Variants in FRAS1 observed in about 807,000 individuals in gnomAD.
FRAS1 encodes the protein extracellular matrix organizing protein FRAS1.
In FRAS1, 290 loss-of-function variants were observed where a neutral mutation model predicts 435.2. That is an observed-to-expected ratio of 0.67 (90% confidence interval 0.61 to 0.73). FRAS1 has a LOEUF of 0.73. Ranked by LOEUF, FRAS1 falls within the 30% of genes least tolerant of loss-of-function variation. FRAS1 has a pLI of 0.00. For missense variants in FRAS1, 4,860 were observed against 5,001.5 expected (o/e 0.97, Z 0.85); for synonymous variants, 1,800 against 1,851.0 (o/e 0.97, Z 0.71).
intron 65 of FRAS1, among the ~76,000 whole-genome samples, chr4:78,514,960 C>T (rs1349569481): frequency 3.3e-5 from 5 of 150,704 alleles, no homozygotes; most frequent in African/African-American, 7.3e-5. Context: ...CCCAGCTACT[C>T]GGGAGGCTGA....
chr4:78,375,224 A>G (rs114305346), intron 25 of FRAS1, among the ~76,000 whole-genome samples: 2,853 of 152,316 alleles, frequency 0.019, 37 homozygotes, highest in Middle Eastern at 0.037. Context: ...TAATAATAAG[A>G]GATACAATGG....
intron 35 of FRAS1, 113 bp from the exon 36 acceptor site, chr4:78,428,982 A>G (rs1312617055): frequency 1.8e-6 from 2 of 1,102,514 alleles, no homozygotes; most frequent in African/African-American, 3.1e-5. Flanking sequence ...CTAGCTACAT[A>G]TTTGTGGAAA....
At chr4:78,145,245 A>G (rs1368890654) in intron 2 of FRAS1, among the ~76,000 whole-genome samples, 1 of 152,158 alleles carries the variant, frequency 6.6e-6, no homozygotes, top group Non-Finnish European at 1.5e-5. Flanking sequence ...AGGACTTTGC[A>G]GTACGCCTTA....
At chr4:78,450,536 T>C in intron 45 of FRAS1, 197 bp downstream of exon 45, 1 of 570,566 alleles carries the variant, frequency 1.8e-6, no homozygotes. Flanking sequence ...TTGGTTGAAA[T>C]GTGTTCATGC....
chr4:78,207,267 G>T (rs1333296304), intron 2 of FRAS1, among the ~76,000 whole-genome samples: 1 of 152,116 alleles, frequency 6.6e-6, no homozygotes, highest in Non-Finnish European at 1.5e-5. Context: ...AATCCAAGGA[G>T]AATAAGAATG....
intron 2 of FRAS1, among the ~76,000 whole-genome samples, chr4:78,127,273 C>T (rs779243722): frequency 6.6e-6 from 1 of 152,126 alleles, no homozygotes; most frequent in Non-Finnish European, 1.5e-5. Context: ...GATGGTAAGA[C>T]ATGAGCCTAA....
chr4:78,404,639 C>G (rs1015187105), intron 30 of FRAS1, among the ~76,000 whole-genome samples: 2 of 152,180 alleles, frequency 1.3e-5, no homozygotes, highest in Non-Finnish European at 2.9e-5. Flanking sequence ...TGATGCCTTC[C>G]TCTGTCATCC....
At chr4:78,108,626 A>G in intron 2 of FRAS1, among the ~76,000 whole-genome samples, 1 of 85,752 alleles carries the variant, frequency 1.2e-5, no homozygotes, top group African/African-American at 5.3e-5. Context: ...TTATAGCACT[A>G]AATGCCTACA....
chr4:78,363,490 C>G (rs759349116), intron 20 of FRAS1, 23 bp from the exon 21 acceptor site: 2 of 1,594,020 alleles, frequency 1.3e-6, no homozygotes, highest in Non-Finnish European at 1.7e-6. Context: ...CGTGCCTTCT[C>G]TGTGCTCCCC....
intron 33 of FRAS1, among the ~76,000 whole-genome samples, chr4:78,420,588 A>AACATTAGTTCTATACC (rs1484371530): frequency 2.0e-5 from 3 of 152,046 alleles, no homozygotes; most frequent in South Asian, 2.1e-4. Flanking sequence ...AGTTCTTAGA[A>AACATTAGTTCTATACC]TAATCAAGAC....
chr4:78,354,990 T>C (rs372399526), intron 20 of FRAS1, among the ~76,000 whole-genome samples: 1 of 152,178 alleles, frequency 6.6e-6, no homozygotes, highest in South Asian at 2.1e-4. Flanking sequence ...GCATCACATA[T>C]TGATGACCAC....
chr4:78,434,547 A>G (rs1734340481), intron 38 of FRAS1, among the ~76,000 whole-genome samples: 1 of 152,220 alleles, frequency 6.6e-6, no homozygotes, highest in African/African-American at 2.4e-5. Context: ...GATTCTGTGT[A>G]TAATAACATT....
intron 2 of FRAS1, among the ~76,000 whole-genome samples, chr4:78,211,649 T>C (rs954850069): frequency 1.1e-4 from 17 of 152,182 alleles, no homozygotes; most frequent in African/African-American, 4.1e-4. Flanking sequence ...GGACTTGAGC[T>C]CAAGTAAAGT....
At chr4:78,106,273 G>A (rs1211784338) in intron 2 of FRAS1, among the ~76,000 whole-genome samples, 5 of 85,620 alleles carry the variant, frequency 5.8e-5, no homozygotes, top group Non-Finnish European at 1.2e-4. Flanking sequence ...GCCTGCCTCT[G>A]TAGGCTCCAC....
rs142706608 is a variant in FRAS1 at position 78,418,292 on chromosome 4, G to T, written c.4426-657G>T. ...ACCTCTTAAACCTCTGAATGCAAAT[G>T]GTGAGCCTTTTTTGGTGTTTGGGGT... On this transcript the variant is annotated intron_variant, in intron 32 of 73. Transcript: ENST00000512123. 1.2e-3 allele frequency among the ~76,000 whole-genome samples: 176 copies of T among 152,282 alleles called. 1 individual carries two copies. The highest frequency in any genetic ancestry group is 4.0e-3 in the African/African-American group (165 of 41,570).
intron 60 of FRAS1, among the ~76,000 whole-genome samples, chr4:78,499,220 G>C (rs1298460707): frequency 1.3e-5 from 2 of 152,162 alleles, no homozygotes; most frequent in Non-Finnish European, 2.9e-5. Flanking sequence ...GCACTAAGAG[G>C]AGGGGGTCCA....
intron 2 of FRAS1, among the ~76,000 whole-genome samples, chr4:78,219,444 T>C (rs1011299093): frequency 1.3e-5 from 2 of 152,226 alleles, no homozygotes; most frequent in South Asian, 4.1e-4. Context: ...TAATTGCTTT[T>C]TCTTTTAGAC....
intron 27 of FRAS1, 38 bp from the exon 28 acceptor site, chr4:78,384,021 A>C (rs1346432252): frequency 7.0e-7 from 1 of 1,426,926 alleles, no homozygotes; most frequent in Non-Finnish European, 9.8e-7. Flanking sequence ...TAATGTAATG[A>C]TTGTATTTTC....
intron 27 of FRAS1, among the ~76,000 whole-genome samples, chr4:78,381,621 G>C (rs982996886): frequency 1.3e-5 from 2 of 152,176 alleles, no homozygotes; most frequent in Non-Finnish European, 2.9e-5. Flanking sequence ...CACAGACACA[G>C]AAACACAGAG....
Sources: allele counts gnomAD v4.1 joint callset (sites outside exome capture counted in the v4.1 genomes callset), GRCh38; gene constraint gnomAD v4.1.1; transcripts MANE v1.5; gene names NCBI Gene and HGNC (gene_info 2026-07-23, HGNC 2026-07-21).